The following PPP5C variants were observed in gnomAD, a reference collection of about 807,000 sequenced individuals.
PPP5C encodes serine/threonine-protein phosphatase 5.
Under a neutral mutation model 66.7 loss-of-function variants are expected in PPP5C, and 21 were observed. The observed-to-expected ratio is 0.31, with a 90% CI of 0.22 to 0.45. The LOEUF (loss-of-function observed/expected upper bound fraction) is 0.45, where lower values mean the gene tolerates loss of function less well. Ranked by LOEUF, PPP5C falls within the 20% of genes least tolerant of loss-of-function variation. PPP5C has a pLI of 1.00. For synonymous variants in PPP5C, 246 were observed against 257.4 expected, an observed-to-expected ratio of 0.96 and a Z score of 0.43; for missense variants, 464 against 675.9, an observed-to-expected ratio of 0.69 and a Z score of 3.48.
At chr19:46,378,964 A>G (rs1295190633) in intron 4 of PPP5C, among the ~76,000 whole-genome samples, 1 of 152,006 alleles carries the variant, frequency 6.6e-6, no homozygotes, top group Non-Finnish European at 1.5e-5. Flanking sequence ...GCTCACTGCA[A>G]CTTCTGCCTC....
At position 46,383,372 on chromosome 19, in the gene PPP5C, C is replaced by G; in HGVS notation, c.634-39C>G. ...TTTCGGGGCCAGGTTGGGCAGCAGCCCCTGCAGCCGGTCCCACTGAGTCTG... is the reference window on the plus strand; with the variant it reads ...TTTCGGGGCCAGGTTGGGCAGCAGCGCCTGCAGCCGGTCCCACTGAGTCTG... On this transcript the variant is annotated intron_variant, in intron 4 of 12. Transcript: ENST00000012443. The surrounding 1 kb of genome is among the most constrained non-coding windows in gnomAD (Gnocchi z 5.0). 1 of 1,598,196 alleles carries G rather than the reference C, an allele frequency of 6.3e-7. No homozygotes were observed. Among genetic ancestry groups the G allele is most frequent in the South Asian group, 1.1e-5 (1 of 88,132 alleles).
At chr19:46,380,261 A>C (rs1403257111) in intron 4 of PPP5C, among the ~76,000 whole-genome samples, 3 of 152,234 alleles carry the variant, frequency 2.0e-5, no homozygotes, top group Non-Finnish European at 4.4e-5. Context: ...TGGAGGTTGC[A>C]GTGAGCCAAG....
rs941196502 is a variant in PPP5C, at chr19:46,383,350, C to T, written c.634-61C>T. ...GCGTCTCATGGGCAGTCCAGGCTTTCGGGGCCAGGTTGGGCAGCAGCCCCT... is the reference window on the plus strand; with the variant it reads ...GCGTCTCATGGGCAGTCCAGGCTTTTGGGGCCAGGTTGGGCAGCAGCCCCT... On this transcript the variant is annotated intron_variant, in intron 4 of 12. Transcript: ENST00000012443. The surrounding 1 kb of genome is among the most constrained non-coding windows in gnomAD (Gnocchi z 5.0). 20 of 1,579,550 alleles carry T rather than the reference C, an allele frequency of 1.3e-5. No homozygotes were observed. The highest frequency in any genetic ancestry group is 3.7e-5 in the Admixed American group (2 of 54,556).
chr19:46,354,022 G>C, intron 2 of PPP5C, 33 bp downstream of exon 2: 1 of 1,605,842 alleles, frequency 6.2e-7, no homozygotes, highest in Non-Finnish European at 8.5e-7. Flanking sequence ...CCTGGCACCT[G>C]AGCCAGGCAG....
intron 1 of PPP5C, among the ~76,000 whole-genome samples, chr19:46,350,522 C>T (rs912989154): frequency 7.9e-5 from 12 of 152,114 alleles, no homozygotes; most frequent in Admixed American, 2.6e-4. Flanking sequence ...TGAGCTGGCA[C>T]GGAGGAGAAC....
chr19:46,371,810 A>C (rs1365238036), intron 2 of PPP5C, among the ~76,000 whole-genome samples: 1 of 152,176 alleles, frequency 6.6e-6, no homozygotes, highest in Non-Finnish European at 1.5e-5. Flanking sequence ...AGCTGCCTGC[A>C]TGCCTCAGGC....
At chr19:46,368,776 T>C (rs981220480) in intron 2 of PPP5C, among the ~76,000 whole-genome samples, 8 of 152,342 alleles carry the variant, frequency 5.3e-5, no homozygotes, top group Admixed American at 3.9e-4. Flanking sequence ...TGCATACCCA[T>C]AGCTTAGCTT....
chr19:46,383,231 TGCGGCTGCCTCCGGCCCC>T lies in PPP5C; in HGVS notation c.634-177_634-160del. 5 of 1,538,188 alleles carry T rather than the reference TGCGGCTGCCTCCGGCCCC, an allele frequency of 3.3e-6. No homozygotes were observed. The highest frequency in any genetic ancestry group is 4.4e-6 in the Non-Finnish European group (5 of 1,144,754). On this transcript the variant is annotated intron_variant, in intron 4 of 12. Transcript: ENST00000012443. This position sits in a 1 kb window ranked among gnomAD's most constrained non-coding sequence, Gnocchi z 5.0. ...CGGCACTGCACAGGCCACAGAAGCC[TGCGGCTGCCTCCGGCCCC>T]GCCTGCTCCCGCTCCCCCAGGCCTG...
intron 6 of PPP5C, 177 bp from the exon 7 acceptor site, chr19:46,384,627 G>T: frequency 7.0e-6 from 4 of 574,462 alleles, no homozygotes; most frequent in African/African-American, 1.9e-5. Context: ...GGTGAGGAAA[G>T]GATTAGAAAC....
chr19:46,388,275 TG>T lies in PPP5C; in HGVS notation c.1136-131del. On this transcript the variant is annotated intron_variant, in intron 9 of 12. Coordinates refer to ENST00000012443, the MANE Select transcript of PPP5C (RefSeq NM_006247.4). This position sits in a 1 kb window ranked among gnomAD's most constrained non-coding sequence, Gnocchi z 4.9. ...CTGTCCTGAATGTCCATGTCCATGC[TG>T]GATGTCCCCTGCCCAACACCCACCC... 1 of 932,574 alleles carries T rather than the reference TG, an allele frequency of 1.1e-6. No individual in the cohort carries two copies. Among genetic ancestry groups the T allele is most frequent in the Non-Finnish European group, 1.6e-6 (1 of 631,402 alleles). The allele number at this position is 932,574 out of a possible 1,614,324, so 57.8% of individuals were successfully genotyped here.
chr19:46,353,189 G>T (rs1250863562), intron 1 of PPP5C, among the ~76,000 whole-genome samples: 1 of 152,210 alleles, frequency 6.6e-6, no homozygotes, highest in Non-Finnish European at 1.5e-5. Context: ...GAGACATGAG[G>T]ATTCCACAGG....
rs186474687 is a variant in PPP5C at position 46,375,251 on chromosome 19, G to A, written c.364-353G>A. ...CTTCCTCTCATGCTCCGCCACCTTG[G>A]TAGTCACGATAGTAGCATCAGGACC... On this transcript the variant is annotated intron_variant, in intron 2 of 12. Transcript: ENST00000012443. Among the ~76,000 whole-genome samples, 222 of 152,236 alleles carry A rather than the reference G, an allele frequency of 1.5e-3. 1 individual carries two copies. Among genetic ancestry groups the A allele is most frequent in the African/African-American group, 4.5e-3 (186 of 41,548 alleles).
At chr19:46,369,043 C>A (rs1972537666) in intron 2 of PPP5C, among the ~76,000 whole-genome samples, 1 of 152,192 alleles carries the variant, frequency 6.6e-6, no homozygotes, top group Admixed American at 6.5e-5. Context: ...ATTGGTAAGA[C>A]AGTGTGGAGT....
chr19:46,373,761 G>A (rs1972638337), intron 2 of PPP5C, among the ~76,000 whole-genome samples: 1 of 152,196 alleles, frequency 6.6e-6, no homozygotes, highest in Non-Finnish European at 1.5e-5. Flanking sequence ...CGAACCAGCA[G>A]GGCTCACGGC....
intron 2 of PPP5C, among the ~76,000 whole-genome samples, chr19:46,372,065 C>T (rs1406963479): frequency 1.3e-5 from 2 of 152,200 alleles, no homozygotes; most frequent in Non-Finnish European, 2.9e-5. Flanking sequence ...CTTGATTACT[C>T]TCCAGTGGCA....
intron 2 of PPP5C, among the ~76,000 whole-genome samples, chr19:46,366,254 G>C (rs1349714982): frequency 6.6e-6 from 1 of 152,004 alleles, no homozygotes; most frequent in African/African-American, 2.4e-5. Flanking sequence ...CATAGACAGA[G>C]TTTATTTGGG....
At chr19:46,363,178 G>C (rs1357830577) in intron 2 of PPP5C, among the ~76,000 whole-genome samples, 1 of 140,722 alleles carries the variant, frequency 7.1e-6, no homozygotes, top group African/African-American at 2.6e-5. Flanking sequence ...CATGGTGGCG[G>C]GCGCCTGTAG....
At chr19:46,373,920 A>G (rs1472590676) in intron 2 of PPP5C, among the ~76,000 whole-genome samples, 1 of 152,186 alleles carries the variant, frequency 6.6e-6, no homozygotes, top group African/African-American at 2.4e-5. Context: ...GGCAGCCTGC[A>G]TAAAGGCCTG....
intron 2 of PPP5C, among the ~76,000 whole-genome samples, chr19:46,356,165 G>C (rs1601414422): frequency 6.6e-6 from 1 of 152,188 alleles, no homozygotes; most frequent in African/African-American, 2.4e-5. Flanking sequence ...TGAGGGGGTG[G>C]GGAATTCAGA....
Sources: gnomAD v4.1 joint callset for allele counts (sites outside exome capture counted in the v4.1 genomes callset) on GRCh38, gnomAD v4.1.1 for gene constraint, Gnocchi (gnomAD v3.1) non-coding constraint, MANE v1.5 for transcripts, NCBI Gene and HGNC (gene_info 2026-07-23, HGNC 2026-07-21) for gene names.